THTPA: variants seen among roughly 807,000 people sequenced by gnomAD.
THTPA encodes thiamine-triphosphatase.
THTPA carries 16 observed loss-of-function variants against 16.5 expected under a neutral mutation model. The observed-to-expected ratio is 0.97, with a 90% CI of 0.66 to 1.47. The LOEUF is 1.47. Ranked by LOEUF, THTPA falls within the 40% of genes most tolerant of loss-of-function variation. The probability of loss-of-function intolerance (pLI) is 0.00; values close to 1 mark genes in which losing one functional copy is unlikely to be tolerated. For synonymous variants in THTPA, 110 were observed against 115.5 expected, an observed-to-expected ratio of 0.95 and a Z score of 0.30; for missense variants, 281 against 280.9, an observed-to-expected ratio of 1.00 and a Z score of 0.00.
At chr14:23,524,655 G>A in the THTPA span, 1 of 1,536,376 alleles carries the variant, frequency 6.5e-7, no homozygotes. This position sits in a 1 kb window ranked among gnomAD's most constrained non-coding sequence, Gnocchi z 5.6. Flanking sequence ...GAAGGTGATG[G>A]AGTAGCCTTC....
the THTPA span, chr14:23,526,421 C>T: frequency 5.5e-5 from 85 of 1,536,114 alleles, no homozygotes; most frequent in South Asian, 4.6e-4. Flanking sequence ...GGTGGTTTTC[C>T]GATAGGTCAG....
At chr14:23,525,579 A>T in the THTPA span, 1 of 1,535,604 alleles carries the variant, frequency 6.5e-7, no homozygotes, top group Non-Finnish European at 8.7e-7. This position sits in a 1 kb window ranked among gnomAD's most constrained non-coding sequence, Gnocchi z 5.9. Context: ...CCTTCATTGT[A>T]CTGGATCACC....
chr14:23,526,440 G>A, the THTPA span: 19 of 1,536,174 alleles, frequency 1.2e-5, no homozygotes, highest in Admixed American at 2.0e-5. Context: ...AGAGGGTGGC[G>A]AGAGTCAGCT....
rs1566605628 is a variant in THTPA at position 23,558,864 on chromosome 14, AG to A, written c.*27del. On this transcript the variant is annotated 3_prime_UTR_variant, in exon 2 of 2. Transcript: ENST00000288014. Reference sequence around the variant, plus strand: ...AGGGGTGTCACTTCCTAGAAGGGGAAGGGAACTCTGGGTCTAACGGAGTCCA... The same window carrying A: ...AGGGGTGTCACTTCCTAGAAGGGGAAGGAACTCTGGGTCTAACGGAGTCCA... 1.2e-6 allele frequency: 2 copies of A among 1,613,308 alleles called. No individual in the cohort carries two copies. Among genetic ancestry groups the A allele is most frequent in the East Asian group, 2.2e-5 (1 of 44,884 alleles).
the THTPA span, chr14:23,533,610 C>T: frequency 1.3e-6 from 2 of 1,536,706 alleles, no homozygotes; most frequent in Non-Finnish European, 1.7e-6. This position sits in a 1 kb window ranked among gnomAD's most constrained non-coding sequence, Gnocchi z 4.8. Context: ...AGCTGCACAC[C>T]TTGCACTGCC....
the THTPA span, chr14:23,524,511 C>G: frequency 6.6e-7 from 1 of 1,526,488 alleles, no homozygotes; most frequent in Non-Finnish European, 8.8e-7. This position sits in a 1 kb window ranked among gnomAD's most constrained non-coding sequence, Gnocchi z 5.6. Flanking sequence ...TCCCCAAACA[C>G]CAGCAAGGGC....
At chr14:23,526,935 C>T in the THTPA span, 6 of 1,531,098 alleles carry the variant, frequency 3.9e-6, no homozygotes, top group South Asian at 1.2e-5. Context: ...TGGGTGCAGA[C>T]AGCACTTTGG....
chr14:23,534,741 T>C, the THTPA span: 24 of 1,535,968 alleles, frequency 1.6e-5, no homozygotes, highest in Middle Eastern at 3.3e-4. This position sits in a 1 kb window ranked among gnomAD's most constrained non-coding sequence, Gnocchi z 4.5. Context: ...CAGCCGGAGA[T>C]GGTGCTGAGG....
At chr14:23,533,092 A>G in the THTPA span, 1 of 1,508,652 alleles carries the variant, frequency 6.6e-7, no homozygotes, top group East Asian at 2.5e-5. The surrounding 1 kb of genome is among the most constrained non-coding windows in gnomAD (Gnocchi z 4.8). Context: ...GGGCTAGAGG[A>G]CAGAGACAGA....
upstream of THTPA, among the ~76,000 whole-genome samples, chr14:23,551,026 C>T (rs1024275208): frequency 2.0e-5 from 3 of 151,994 alleles, no homozygotes; most frequent in African/African-American, 4.8e-5. The surrounding 1 kb of genome is among the most constrained non-coding windows in gnomAD (Gnocchi z 5.3). Flanking sequence ...CTTTCCATAC[C>T]CTTCGTCTGT....
rs775659207 is a variant in THTPA at position 23,557,109 on chromosome 14, G to T, written c.352G>T (p.Val118Leu). 3.1e-6 allele frequency: 5 copies of T among 1,614,114 alleles called. No homozygotes were observed. Among genetic ancestry groups the T allele is most frequent in the Non-Finnish European group, 4.2e-6 (5 of 1,180,054 alleles). ...GCTGGGCCCACTGGGGCTGCAGGAAGTAGCTAGTTTTGTGACTAAGCGGAG... is the reference window on the plus strand; with the variant it reads ...GCTGGGCCCACTGGGGCTGCAGGAATTAGCTAGTTTTGTGACTAAGCGGAG... ...AVLGPLGLQE[V>L]ASFVTKRSAW... The change falls in exon 1 of 2, where the codon GTA (valine) becomes TTA (leucine). Residue 118 changes from valine (V) to leucine (L), a missense_variant. Physicochemically the swap from Val to Leu is conservative, Grantham distance 32 (BLOSUM62 1). Coordinates refer to ENST00000288014, the MANE Select transcript of THTPA (RefSeq NM_024328.6).
the THTPA span, among the ~76,000 whole-genome samples, chr14:23,520,109 C>T: frequency 6.6e-6 from 1 of 152,152 alleles, no homozygotes; most frequent in Non-Finnish European, 1.5e-5. This position sits in a 1 kb window ranked among gnomAD's most constrained non-coding sequence, Gnocchi z 8.7. Flanking sequence ...ACAGAACATT[C>T]TTCTAGGTTC....
chr14:23,556,746 A>G lies in THTPA; in HGVS notation c.-12A>G, dbSNP rs769837461. On this transcript the variant is annotated 5_prime_UTR_variant, in exon 1 of 2. Transcript: ENST00000288014. ...AACTCAGCAAACGTTTGTTCAGCCA[A>G]TTGCAGGTAGCATGGCCCAGGGCTT... 33 of 1,609,582 alleles carry G rather than the reference A, an allele frequency of 2.1e-5. No homozygotes were observed. Among genetic ancestry groups the G allele is most frequent in the South Asian group, 1.1e-4 (10 of 90,420 alleles).
chr14:23,538,936 T>G, the THTPA span, among the ~76,000 whole-genome samples: 1 of 152,024 alleles, frequency 6.6e-6, no homozygotes, highest in Non-Finnish European at 1.5e-5. Context: ...AGGATCACAT[T>G]AGAGGCGACA....
At chr14:23,525,728 A>T in the THTPA span, 1 of 1,515,810 alleles carries the variant, frequency 6.6e-7, no homozygotes, top group Non-Finnish European at 8.8e-7. This position sits in a 1 kb window ranked among gnomAD's most constrained non-coding sequence, Gnocchi z 5.9. Flanking sequence ...CCGCTCAGCC[A>T]GCTCAGCCTT....
the THTPA span, chr14:23,533,850 G>T: frequency 1.3e-6 from 2 of 1,539,312 alleles, no homozygotes; most frequent in Non-Finnish European, 1.7e-6. The surrounding 1 kb of genome is among the most constrained non-coding windows in gnomAD (Gnocchi z 4.8). Flanking sequence ...CAAGGCGGGG[G>T]TGGGCGCCCC....
At chr14:23,520,736 C>G in the THTPA span, 2 of 132,516 alleles carry the variant, frequency 1.5e-5, no homozygotes, top group Non-Finnish European at 3.1e-5. The surrounding 1 kb of genome is among the most constrained non-coding windows in gnomAD (Gnocchi z 8.7). Flanking sequence ...AGACCCATAG[C>G]AAGGAGCTAA....
At chr14:23,554,131 C>T (rs1043460573), upstream of THTPA, among the ~76,000 whole-genome samples, 2 of 151,024 alleles carry the variant, frequency 1.3e-5, no homozygotes, top group Non-Finnish European at 1.5e-5. Flanking sequence ...AGCTGGGAGT[C>T]GACCTCAGGT....
At chr14:23,529,198 G>A in the THTPA span, among the ~76,000 whole-genome samples, 2 of 152,200 alleles carry the variant, frequency 1.3e-5, no homozygotes, top group Admixed American at 6.5e-5. Context: ...GCCTAGGTCT[G>A]AGTCCTGGGG....
Sources: allele counts gnomAD v4.1 joint callset (sites outside exome capture counted in the v4.1 genomes callset), GRCh38; gene constraint gnomAD v4.1.1; non-coding constraint Gnocchi (gnomAD v3.1); transcripts MANE v1.5; gene names NCBI Gene and HGNC (gene_info 2026-07-23, HGNC 2026-07-21).